The following MPRIP variants were observed in gnomAD, a reference collection of about 807,000 sequenced individuals.
The protein encoded by MPRIP is myosin phosphatase Rho interacting protein.
In MPRIP, 59 loss-of-function variants were observed where a neutral mutation model predicts 234.9. The observed-to-expected ratio is 0.25, with a 90% CI of 0.20 to 0.31. MPRIP has a LOEUF of 0.31. MPRIP is among the 10% of genes least tolerant of loss of function. MPRIP has a pLI of 1.00. For synonymous variants in MPRIP, 1,144 were observed against 1,263.9 expected (o/e 0.91, Z 2.01); for missense variants, 2,436 against 3,071.0 (o/e 0.79, Z 4.89).
rs546029823 is a variant in MPRIP, at chr17:17,142,349, A to C, written c.1251-278A>C. ...GGCTCAGGAGAGGCTGCCGGGTGCC[A>C]AGCTGTGTGAATGCCGAGTGGGTCA... On this transcript the variant is annotated intron_variant, in intron 7 of 23. Coordinates refer to ENST00000651222, the MANE Select transcript of MPRIP (RefSeq NM_001364716.4). The C allele has an allele frequency of 2.3e-5, 8 of 352,284 alleles. No individual in the cohort carries two copies. In the South Asian group the frequency reaches 3.0e-4, roughly 13 times the overall value. The allele number at this position is 352,284 out of a possible 1,614,324, so 21.8% of individuals were successfully genotyped here. A position where few individuals can be genotyped will look rare whatever the true frequency, so the allele number is the denominator to read the frequency against.
At chr17:17,176,295 C>T (rs909603626) in intron 20 of MPRIP, 131 bp from the exon 21 acceptor site, 4 of 700,796 alleles carry the variant, frequency 5.7e-6, no homozygotes, top group Admixed American at 2.1e-5. Flanking sequence ...GATGCTTGCC[C>T]GCATTGGGCA....
intron 12 of MPRIP, among the ~76,000 whole-genome samples, chr17:17,151,607 C>T (rs1209909969): frequency 6.6e-6 from 1 of 152,222 alleles, no homozygotes; most frequent in Non-Finnish European, 1.5e-5. Context: ...TAATGGGTTT[C>T]CTCTAATTTC....
chr17:17,185,310 A>T lies in MPRIP; in HGVS notation c.*416A>T. 2.8e-6 allele frequency: 1 copy of T among 353,360 alleles called. No individual in the cohort carries two copies. Among genetic ancestry groups the T allele is most frequent in the South Asian group, 2.1e-5 (1 of 46,712 alleles). The allele number at this position is 353,360 out of a possible 1,614,324, so 21.9% of individuals were successfully genotyped here. On this transcript the variant is annotated 3_prime_UTR_variant, in exon 24 of 24. Transcript: ENST00000651222. The stretch of plus-strand genomic sequence containing the variant: ...AAGGTAGATGGAATCCCCACTGGTC[A>T]GAGAAAAAGCTATGCGGACACTCCA...
In MPRIP at chr17:17,126,822, A is replaced by C. The variant is rs1464178576; in HGVS notation, c.388A>C (p.Ile130Leu). The change falls in exon 4 of 24, where the codon ATC (isoleucine) becomes CTC (leucine). Residue 130 changes from isoleucine (I) to leucine (L), a missense_variant. Ile to Leu is a conservative substitution (Grantham distance 5). This residue lies in a region of MPRIP where 140 missense variants were observed against 207.3 expected (regional missense o/e 0.68). Coordinates refer to ENST00000651222, the MANE Select transcript of MPRIP (RefSeq NM_001364716.4). ...TCTGACGCCTGAGAAGGAGCATTTCATCCGGGCGGAGACCAAGGAGATCGT... is the reference window on the plus strand; with the variant it reads ...TCTGACGCCTGAGAAGGAGCATTTCCTCCGGGCGGAGACCAAGGAGATCGT... The part of the protein sequence containing the change: ...CILTPEKEHF[I>L]RAETKEIVSG... 4 of 1,614,166 alleles carry C rather than the reference A, an allele frequency of 2.5e-6. No homozygotes were observed. The South Asian group carries it at 4.4e-5, about 18-fold the overall frequency.
chr17:17,072,685 C>A (rs1283880484), intron 1 of MPRIP, among the ~76,000 whole-genome samples: 1 of 152,082 alleles, frequency 6.6e-6, no homozygotes, highest in Non-Finnish European at 1.5e-5. Flanking sequence ...GCTGCGCAGC[C>A]CACGTGGCTG....
chr17:17,184,675 TCTC>T, intron 23 of MPRIP, 145 bp from the exon 24 acceptor site: 4 of 549,978 alleles, frequency 7.3e-6, no homozygotes, highest in Non-Finnish European at 1.4e-5. Context: ...TCCCGGGGAC[TCTC>T]CTCCTGGCAT....
In MPRIP at chr17:17,154,286, G is replaced by A; in HGVS notation, c.1720-20G>A. 6.2e-7 allele frequency: 1 copy of A among 1,609,904 alleles called. No homozygotes were observed. Among genetic ancestry groups the A allele is most frequent in the East Asian group, 2.2e-5 (1 of 44,856 alleles). The stretch of plus-strand genomic sequence containing the variant: ...ACCCTAGGGGACAGTCACTGATGGT[G>A]CCTCATCTTTTCTCTGTAGACAAAG... On this transcript the variant is annotated intron_variant, in intron 12 of 23. Transcript: ENST00000651222.
chr17:17,162,095 A>G (rs879458957), intron 15 of MPRIP, among the ~76,000 whole-genome samples: 2 of 152,228 alleles, frequency 1.3e-5, no homozygotes, highest in East Asian at 3.8e-4. Context: ...TGATATATAA[A>G]TACTGCAGGA....
Position 17,151,328 on chromosome 17 carries a change from A to T in MPRIP, c.1719+1095A>T, listed in dbSNP as rs144273007. 1.9e-3 allele frequency among the ~76,000 whole-genome samples: 287 copies of T among 152,336 alleles called. 1 individual carries two copies. The highest frequency in any genetic ancestry group is 6.8e-3 in the Middle Eastern group (2 of 294). On this transcript the variant is annotated intron_variant, in intron 12 of 23. Coordinates refer to ENST00000651222, the MANE Select transcript of MPRIP (RefSeq NM_001364716.4). ...TATGTAAGTCAGAACCAGCCAAGGGAGAGCCATGTGGAGTAGAATCTGGGA... is the reference window on the plus strand; with the variant it reads ...TATGTAAGTCAGAACCAGCCAAGGGTGAGCCATGTGGAGTAGAATCTGGGA...
intron 1 of MPRIP, chr17:17,057,608 C>T (rs1291307870): frequency 2.8e-6 from 2 of 717,958 alleles, no homozygotes; most frequent in East Asian, 2.7e-5. Flanking sequence ...TCACTGTTAC[C>T]AGTTTTCAAC....
At chr17:17,052,458 G>A (rs2088570863) in intron 1 of MPRIP, among the ~76,000 whole-genome samples, 1 of 152,172 alleles carries the variant, frequency 6.6e-6, no homozygotes, top group Admixed American at 6.5e-5. Context: ...GTGAGGGATT[G>A]TCTTCAATTA....
At chr17:17,056,409 A>G (rs1016605002) in intron 1 of MPRIP, among the ~76,000 whole-genome samples, 2 of 152,096 alleles carry the variant, frequency 1.3e-5, no homozygotes, top group Non-Finnish European at 2.9e-5. Flanking sequence ...GAGGCTTTTA[A>G]AATGTCACTT....
At chr17:17,110,136 A>C (rs749115328) in intron 3 of MPRIP, among the ~76,000 whole-genome samples, 2 of 151,956 alleles carry the variant, frequency 1.3e-5, no homozygotes, top group East Asian at 3.9e-4. Context: ...CCTTGTTGTT[A>C]AAAAGTGCCT....
chr17:17,084,108 C>T (rs1190872924), intron 3 of MPRIP, among the ~76,000 whole-genome samples: 1 of 152,220 alleles, frequency 6.6e-6, no homozygotes, highest in Admixed American at 6.5e-5. Context: ...GAACCATCTG[C>T]TCCTCCTTGG....
chr17:17,141,552 C>CGGGGGTGAAGACGCCTTT (rs2090818124), intron 7 of MPRIP: 1 of 152,484 alleles, frequency 6.6e-6, no homozygotes, highest in Non-Finnish European at 1.5e-5. Flanking sequence ...CTCCTCTCTC[C>CGGGGGTGAAGACGCCTTT]GGGGGTGAAG....
chr17:17,052,741 C>T (rs982010579), intron 1 of MPRIP, among the ~76,000 whole-genome samples: 3 of 152,218 alleles, frequency 2.0e-5, no homozygotes, highest in African/African-American at 7.2e-5. Flanking sequence ...GCCCCACATC[C>T]CCAACATGGG....
At chr17:17,061,811 G>A (rs1179802354) in intron 1 of MPRIP, among the ~76,000 whole-genome samples, 1 of 152,082 alleles carries the variant, frequency 6.6e-6, no homozygotes, top group Admixed American at 6.5e-5. Context: ...TGGACTGACC[G>A]GTGCTGTTCT....
At chr17:17,055,131 G>C (rs980037754) in intron 1 of MPRIP, among the ~76,000 whole-genome samples, 3 of 151,914 alleles carry the variant, frequency 2.0e-5, no homozygotes, top group African/African-American at 7.3e-5. Flanking sequence ...TTTAATGTTA[G>C]AGGCCACTTC....
In MPRIP at chr17:17,167,216, C is replaced by T; in HGVS notation, c.5625C>T (p.Pro1875=). ...LCKESWQTRE[P]SCSEQAQAAR... ...AGGAGTCCTGGCAAACCCGGGAGCC[C>T]TCCTGCTCAGAGCAGGCACAGGCAG... Residue 1875 remains proline (P), a synonymous_variant, in exon 16 of 24, where the codon CCC becomes CCT. Transcript: ENST00000651222. This position sits in a 1 kb window ranked among gnomAD's most constrained non-coding sequence, Gnocchi z 5.9. 1 of 1,304,094 alleles carries T rather than the reference C, an allele frequency of 7.7e-7. No individual in the cohort carries two copies. Among genetic ancestry groups the T allele is most frequent in the South Asian group, 1.2e-5 (1 of 81,028 alleles). 80.8% of individuals were successfully genotyped at this position (1,304,094 alleles called of 1,614,324 possible).
Sources: allele counts gnomAD v4.1 joint callset (sites outside exome capture counted in the v4.1 genomes callset), GRCh38; gene constraint gnomAD v4.1.1; regional missense constraint gnomAD v4.1.1; non-coding constraint Gnocchi (gnomAD v3.1); transcripts MANE v1.5; gene names NCBI Gene and HGNC (gene_info 2026-07-23, HGNC 2026-07-21).